The following SGCD variants were observed in gnomAD, a reference collection of about 807,000 sequenced individuals.
SGCD encodes the protein delta-sarcoglycan.
In SGCD, 18 loss-of-function variants were observed where a neutral mutation model predicts 36.6. The observed-to-expected ratio is 0.49, with a 90% CI of 0.34 to 0.73. The LOEUF is 0.73. Ranked by LOEUF, SGCD falls within the 30% of genes least tolerant of loss-of-function variation. The pLI is 0.01. For synonymous variants in SGCD, 133 were observed against 130.6 expected (o/e 1.02, Z -0.12); for missense variants, 387 against 346.7 (o/e 1.12, Z -0.92).
In SGCD at chr5:156,259,769, G is replaced by C. The variant is rs113374529; in HGVS notation, c.-43-69765G>C. Among the ~76,000 whole-genome samples the C allele has an allele frequency of 9.1e-4, 139 of 152,182 alleles. 2 individuals are homozygous for C. Among genetic ancestry groups the C allele is most frequent in the African/African-American group, 3.2e-3 (134 of 41,514 alleles). ...TAGGATTAGATAAGGTCGTCAGGGT[G>C]GGGCCCCCATAGTATGACTCATGGC... On this transcript the variant is annotated intron_variant, in intron 3 of 9. Coordinates refer to the SGCD transcript ENST00000517913.
At chr5:156,301,138 T>A (rs1604961) in intron 3 of SGCD, among the ~76,000 whole-genome samples, 30,074 of 151,966 alleles carry the variant, frequency 0.2, 3,672 homozygotes, top group Admixed American at 0.26. Context: ...TGTTATTTAT[T>A]TTCTAGTTCT....
intron 7 of SGCD, among the ~76,000 whole-genome samples, chr5:156,728,844 T>C (rs1755916509): frequency 6.6e-6 from 1 of 152,152 alleles, no homozygotes. Flanking sequence ...AGTTGCACCA[T>C]AACTGATGAT....
the SGCD span, among the ~76,000 whole-genome samples, chr5:155,797,163 G>A: frequency 6.6e-6 from 1 of 152,066 alleles, no homozygotes; most frequent in Non-Finnish European, 1.5e-5. Flanking sequence ...ACCAAAACTA[G>A]CAAAAGGAAA....
chr5:156,578,309 A>C (rs372811177), intron 4 of SGCD, among the ~76,000 whole-genome samples: 1 of 152,014 alleles, frequency 6.6e-6, no homozygotes, highest in Non-Finnish European at 1.5e-5. Context: ...GCTGGATTCG[A>C]TTTGCCAGTA....
intron 3 of SGCD, among the ~76,000 whole-genome samples, chr5:156,220,058 A>G (rs1478145639): frequency 1.3e-5 from 2 of 152,306 alleles, no homozygotes; most frequent in African/African-American, 4.8e-5. Context: ...GACAAAATAC[A>G]TATCTACACG....
intron 7 of SGCD, among the ~76,000 whole-genome samples, chr5:156,716,184 C>T (rs1412011606): frequency 6.6e-6 from 1 of 152,160 alleles, no homozygotes; most frequent in East Asian, 1.9e-4. Context: ...GATGCACTAA[C>T]TTTGATGTTG....
At chr5:156,165,398 G>A (rs1376891720) in intron 3 of SGCD, among the ~76,000 whole-genome samples, 2 of 152,158 alleles carry the variant, frequency 1.3e-5, no homozygotes, top group Admixed American at 1.3e-4. Flanking sequence ...CTTTTTCAGA[G>A]CTATTCAGCT....
intron 6 of SGCD, among the ~76,000 whole-genome samples, chr5:156,606,857 T>C (rs993874710): frequency 1.3e-5 from 2 of 152,202 alleles, no homozygotes; most frequent in African/African-American, 4.8e-5. Context: ...TTGTCTGTTA[T>C]TGGTGTATAA....
At chr5:156,647,875 C>A (rs1339494491) in intron 7 of SGCD, among the ~76,000 whole-genome samples, 1 of 152,084 alleles carries the variant, frequency 6.6e-6, no homozygotes, top group Non-Finnish European at 1.5e-5. Context: ...AAAATGATAT[C>A]TAAAAGAAGA....
At chr5:156,100,351 A>G (rs1761492322) in intron 1 of SGCD, among the ~76,000 whole-genome samples, 1 of 151,926 alleles carries the variant, frequency 6.6e-6, no homozygotes, top group Non-Finnish European at 1.5e-5. Flanking sequence ...TCAGAGTAGT[A>G]TCTCCTGGGA....
chr5:156,351,509 T>C (rs1769251361), intron 3 of SGCD, among the ~76,000 whole-genome samples: 1 of 152,010 alleles, frequency 6.6e-6, no homozygotes, highest in African/African-American at 2.4e-5. Flanking sequence ...ACCTACCTCC[T>C]AGGATTGTTG....
chr5:155,886,609 C>A (rs1004442265), intron 1 of SGCD, among the ~76,000 whole-genome samples: 6 of 152,102 alleles, frequency 3.9e-5, no homozygotes, highest in Non-Finnish European at 5.9e-5. Context: ...CAGATGATAT[C>A]CACCCTACAG....
At chr5:156,418,172 C>T (rs561476921) in intron 3 of SGCD, among the ~76,000 whole-genome samples, 43 of 152,120 alleles carry the variant, frequency 2.8e-4, no homozygotes, top group Non-Finnish European at 5.3e-4. Context: ...TGGAGGTCTT[C>T]GGACTCCCAA....
rs181804804 is a variant in SGCD at position 156,578,056 on chromosome 5, T to G, written c.295-11175T>G. 2.3e-3 allele frequency among the ~76,000 whole-genome samples: 344 copies of G among 152,302 alleles called. 1 individual carries two copies. Among genetic ancestry groups the G allele is most frequent in the Admixed American group, 4.1e-3 (62 of 15,298 alleles). ...TATGATATTGGCTGTAGGTTTGTCA[T>G]AAATAGCTCTTATTATTTTGAGATA... On this transcript the variant is annotated intron_variant, in intron 4 of 8. Transcript: ENST00000337851.
chr5:156,402,990 C>T (rs1304453644), intron 3 of SGCD, among the ~76,000 whole-genome samples: 2 of 152,186 alleles, frequency 1.3e-5, no homozygotes, highest in African/African-American at 2.4e-5. Context: ...CATTTGATAG[C>T]CGCGGTCTTT....
chr5:156,581,917 C>T (rs1280340548), intron 4 of SGCD, among the ~76,000 whole-genome samples: 5 of 152,200 alleles, frequency 3.3e-5, no homozygotes, highest in South Asian at 2.1e-4. Flanking sequence ...GCTCACCCTC[C>T]ATAGGCTGCA....
chr5:156,612,492 G>A (rs537372873), intron 6 of SGCD, among the ~76,000 whole-genome samples: 1 of 152,380 alleles, frequency 6.6e-6, no homozygotes, highest in Admixed American at 6.5e-5. Flanking sequence ...AGGCTTTCTA[G>A]TGGCTGGTTC....
intron 7 of SGCD, among the ~76,000 whole-genome samples, chr5:156,673,568 C>T (rs1230476530): frequency 2.0e-5 from 3 of 152,140 alleles, no homozygotes; most frequent in Admixed American, 6.6e-5. Context: ...TAACCTGACT[C>T]GTTAATGATA....
chr5:156,085,760 T>A (rs1445100878), intron 1 of SGCD, among the ~76,000 whole-genome samples: 1 of 152,212 alleles, frequency 6.6e-6, no homozygotes, highest in African/African-American at 2.4e-5. Context: ...GATACCCTTT[T>A]TAGGGGCTTG....
Sources: allele counts gnomAD v4.1 joint callset (sites outside exome capture counted in the v4.1 genomes callset), GRCh38; gene constraint gnomAD v4.1.1; transcripts MANE v1.5; gene names NCBI Gene and HGNC (gene_info 2026-07-23, HGNC 2026-07-21).